The following STAU2 variants were observed in gnomAD, a reference collection of about 807,000 sequenced individuals.
STAU2 encodes staufen double-stranded RNA binding protein 2.
Under a neutral mutation model 65.9 loss-of-function variants are expected in STAU2, and 20 were observed. That is an observed-to-expected ratio of 0.30 (90% confidence interval 0.21 to 0.44). The LOEUF is 0.44. Ranked by LOEUF, STAU2 falls within the 20% of genes least tolerant of loss-of-function variation. The probability of loss-of-function intolerance (pLI) is 1.00; values close to 1 mark genes in which losing one functional copy is unlikely to be tolerated. For missense variants in STAU2, 558 were observed against 683.9 expected, an observed-to-expected ratio of 0.82 and a Z score of 2.05; for synonymous variants, 232 against 233.9, an observed-to-expected ratio of 0.99 and a Z score of 0.07.
intron 13 of STAU2, chr8:73,550,491 A>G: frequency 1.0e-6 from 1 of 986,344 alleles, no homozygotes; most frequent in South Asian, 4.7e-5. Context: ...TTCTATAAGA[A>G]TGCAGTGTTA....
intron 11 of STAU2, among the ~76,000 whole-genome samples, chr8:73,583,186 G>A (rs980041163): frequency 5.4e-5 from 8 of 147,876 alleles, no homozygotes; most frequent in African/African-American, 1.0e-4. Flanking sequence ...TCATTCTGTC[G>A]CCCAGGCTGG....
intron 4 of STAU2, 94 bp downstream of exon 4, chr8:73,708,938 C>A (rs1820704248): frequency 2.4e-6 from 3 of 1,262,514 alleles, no homozygotes; most frequent in South Asian, 4.7e-5. Context: ...ATCTGCTGAA[C>A]CCCCACTCCC....
chr8:73,565,830 G>C (rs1282655035), intron 12 of STAU2, among the ~76,000 whole-genome samples: 2 of 152,150 alleles, frequency 1.3e-5, no homozygotes, highest in Non-Finnish European at 2.9e-5. Context: ...TATGTTGTGA[G>C]AACTTAACTC....
At chr8:73,562,881 C>T (rs1394277708) in intron 12 of STAU2, among the ~76,000 whole-genome samples, 1 of 151,990 alleles carries the variant, frequency 6.6e-6, no homozygotes, top group African/African-American at 2.4e-5. Context: ...AAGGCTAAGG[C>T]AAAAGGGCTG....
chr8:73,613,719 C>G lies in STAU2; in HGVS notation c.891+25G>C, dbSNP rs1812636691. The G allele has an allele frequency of 4.5e-6, 7 of 1,546,804 alleles. No homozygotes were observed. In the East Asian group the frequency reaches 1.1e-4, roughly 25 times the overall value. ...TATAATATTTATTTAGTAAAACTGACTGATGTTCACAAATATAAACTTACC... is the reference window on the plus strand; with the variant it reads ...TATAATATTTATTTAGTAAAACTGAGTGATGTTCACAAATATAAACTTACC... On this transcript the variant is annotated intron_variant, in intron 9 of 14. Coordinates refer to ENST00000524300, the MANE Select transcript of STAU2 (RefSeq NM_001164380.2).
chr8:73,592,731 A>T (rs1810913600), intron 11 of STAU2, among the ~76,000 whole-genome samples: 1 of 152,100 alleles, frequency 6.6e-6, no homozygotes, highest in Non-Finnish European at 1.5e-5. Flanking sequence ...ATGGTGGTGC[A>T]CACTGTAATA....
At chr8:73,637,892 G>C (rs983844341) in intron 6 of STAU2, among the ~76,000 whole-genome samples, 6 of 151,928 alleles carry the variant, frequency 3.9e-5, no homozygotes, top group Admixed American at 6.6e-5. Flanking sequence ...TCTATATATG[G>C]GGTGGGAGTT....
chr8:73,561,660 GCAC>G (rs1808243602), intron 12 of STAU2: 9 of 403,338 alleles, frequency 2.2e-5, no homozygotes, highest in South Asian at 1.7e-4. Context: ...TCCAAACACT[GCAC>G]CACAATACTC....
chr8:73,743,530 T>C lies in STAU2; in HGVS notation c.-197+3253A>G, dbSNP rs543995988. Among the ~76,000 whole-genome samples, 434 of 143,770 alleles carry C rather than the reference T, an allele frequency of 3.0e-3. 1 individual carries two copies. Among genetic ancestry groups the C allele is most frequent in the Non-Finnish European group, 5.0e-3 (333 of 66,868 alleles). The allele number at this position is 143,770 out of a possible 152,430, so 94.3% of individuals were successfully genotyped here. A position where few individuals can be genotyped will look rare whatever the true frequency, so the allele number is the denominator to read the frequency against. On this transcript the variant is annotated intron_variant, in intron 1 of 14. Transcript: ENST00000524300. ...TCTTGCTGCCCAGGCTGGAGTGCAA[T>C]GGGCACCATGTCGGCTCACCGCAAG...
chr8:73,628,777 A>G (rs28674778), intron 6 of STAU2, among the ~76,000 whole-genome samples: 10,828 of 152,278 alleles, frequency 0.071, 422 homozygotes, highest in Middle Eastern at 0.14. Flanking sequence ...CGATAAATTA[A>G]TTTTATAATG....
chr8:73,477,559 G>GA (rs1820384107), intron 13 of STAU2, among the ~76,000 whole-genome samples: 3 of 152,210 alleles, frequency 2.0e-5, no homozygotes, highest in African/African-American at 7.2e-5. Context: ...TTGTGCTTCA[G>GA]AAAATCAATT....
intron 6 of STAU2, among the ~76,000 whole-genome samples, chr8:73,656,145 C>T (rs1453046774): frequency 6.6e-6 from 1 of 152,084 alleles, no homozygotes; most frequent in Admixed American, 6.5e-5. Context: ...ATTTACAGAG[C>T]TTTTTTTCTT....
intron 12 of STAU2, among the ~76,000 whole-genome samples, chr8:73,555,054 G>C (rs1277992755): frequency 6.6e-6 from 1 of 152,194 alleles, no homozygotes; most frequent in Non-Finnish European, 1.5e-5. Flanking sequence ...CTGACCTCAA[G>C]TCATGCTCAG....
chr8:73,467,465 G>A (rs1014908997), intron 13 of STAU2, among the ~76,000 whole-genome samples: 6 of 152,140 alleles, frequency 3.9e-5, no homozygotes, highest in African/African-American at 1.4e-4. Flanking sequence ...CCGGGAGGAG[G>A]AGCTTGCAGT....
chr8:73,536,625 T>A (rs999892953), intron 13 of STAU2, among the ~76,000 whole-genome samples: 1 of 152,102 alleles, frequency 6.6e-6, no homozygotes, highest in African/African-American at 2.4e-5. Context: ...CCCTGGACAG[T>A]CACCTATACC....
chr8:73,447,811 G>A (rs1276038376), intron 13 of STAU2, among the ~76,000 whole-genome samples: 1 of 152,146 alleles, frequency 6.6e-6, no homozygotes, highest in Non-Finnish European at 1.5e-5. Flanking sequence ...CCCTCTGGGT[G>A]GCTAGGGGAC....
intron 10 of STAU2, among the ~76,000 whole-genome samples, chr8:73,602,581 C>T (rs868457057): frequency 1.2e-4 from 18 of 151,800 alleles, no homozygotes; most frequent in African/African-American, 4.4e-4. Flanking sequence ...AATTAGCTGG[C>T]CATGGTAGTG....
intron 10 of STAU2, among the ~76,000 whole-genome samples, chr8:73,598,507 G>A (rs1811380033): frequency 1.3e-5 from 2 of 152,136 alleles, no homozygotes; most frequent in South Asian, 4.1e-4. Context: ...GATTACAGGT[G>A]TGAGCCACCA....
chr8:73,479,341 G>C (rs1031200311), intron 13 of STAU2, among the ~76,000 whole-genome samples: 7 of 151,828 alleles, frequency 4.6e-5, no homozygotes, highest in African/African-American at 1.7e-4. Context: ...CTTATAAAAC[G>C]ATTTCTCAGA....
Sources: gnomAD v4.1 joint callset for allele counts (sites outside exome capture counted in the v4.1 genomes callset) on GRCh38, gnomAD v4.1.1 for gene constraint, MANE v1.5 for transcripts, NCBI Gene and HGNC (gene_info 2026-07-23, HGNC 2026-07-21) for gene names.